The following RORA variants were observed in gnomAD, a reference collection of about 807,000 sequenced individuals.
RORA encodes the protein nuclear receptor ROR-alpha.
In RORA, 7 loss-of-function variants were observed where a neutral mutation model predicts 69.5. That is an observed-to-expected ratio of 0.10 (90% CI 0.06 to 0.19). The LOEUF is 0.19. Among genes scored for constraint, RORA ranks in the 10% least tolerant of loss-of-function variants. The pLI is 1.00. For missense variants in RORA, 457 were observed against 663.0 expected (o/e 0.69, Z 3.41); for synonymous variants, 261 against 240.8 (o/e 1.08, Z -0.78).
At chr15:60,662,669 G>A (rs1396899418) in intron 2 of RORA, among the ~76,000 whole-genome samples, 1 of 151,474 alleles carries the variant, frequency 6.6e-6, no homozygotes, top group Non-Finnish European at 1.5e-5. Context: ...TCTTCAGTAT[G>A]TGCAATTCTG....
chr15:61,161,391 G>C (rs1354888509), intron 1 of RORA, among the ~76,000 whole-genome samples: 1 of 152,188 alleles, frequency 6.6e-6, no homozygotes, highest in African/African-American at 2.4e-5. Context: ...GGGTTCAAAT[G>C]CTGGCTCTGC....
intron 1 of RORA, among the ~76,000 whole-genome samples, chr15:60,937,094 G>A (rs561688055): frequency 1.5e-4 from 23 of 152,254 alleles, no homozygotes; most frequent in Admixed American, 5.9e-4. Context: ...ATTTTATGAG[G>A]AATATATCAT....
intron 1 of RORA, among the ~76,000 whole-genome samples, chr15:61,221,966 A>G (rs948907942): frequency 7.4e-4 from 113 of 152,152 alleles, no homozygotes; most frequent in Non-Finnish European, 1.0e-3. Flanking sequence ...AGAAAAAAAA[A>G]AAAAAACTAA....
intron 1 of RORA, among the ~76,000 whole-genome samples, chr15:60,938,014 GACTC>G (rs1892577569): frequency 6.6e-6 from 1 of 152,092 alleles, no homozygotes; most frequent in African/African-American, 2.4e-5. Flanking sequence ...AGGAAGGAGA[GACTC>G]AGAGAACGAA....
At chr15:60,632,638 C>A (rs1302969403) in intron 2 of RORA, among the ~76,000 whole-genome samples, 1 of 152,052 alleles carries the variant, frequency 6.6e-6, no homozygotes, top group African/African-American at 2.4e-5. Context: ...TCTTTTCTGA[C>A]CTTCTGTGGC....
intron 1 of RORA, among the ~76,000 whole-genome samples, chr15:61,053,705 C>T (rs569006876): frequency 1.6e-4 from 24 of 151,518 alleles, no homozygotes; most frequent in African/African-American, 5.3e-4. Flanking sequence ...CTTGCTTCTC[C>T]CTTTTCAAGG....
chr15:60,547,536 G>A (rs924789036), intron 2 of RORA, among the ~76,000 whole-genome samples: 2 of 151,740 alleles, frequency 1.3e-5, no homozygotes, highest in Non-Finnish European at 2.9e-5. Context: ...ATGTTGGCCA[G>A]GCTGGTCTTG....
intron 1 of RORA, among the ~76,000 whole-genome samples, chr15:60,747,873 T>C (rs1466397059): frequency 6.6e-6 from 1 of 152,136 alleles, no homozygotes; most frequent in Admixed American, 6.5e-5. Context: ...AGAAAAAAAA[T>C]AATAATGCTT....
intron 1 of RORA, among the ~76,000 whole-genome samples, chr15:60,906,162 T>G (rs953395176): frequency 2.6e-5 from 4 of 152,238 alleles, no homozygotes; most frequent in Admixed American, 2.6e-4. Context: ...CCTCTTCTTC[T>G]GACAGATTAG....
At chr15:61,221,308 T>C (rs914151178) in intron 1 of RORA, among the ~76,000 whole-genome samples, 2 of 152,234 alleles carry the variant, frequency 1.3e-5, no homozygotes, top group Admixed American at 6.5e-5. Flanking sequence ...CAGTAGTTAA[T>C]AGTCTGGAAT....
At chr15:60,592,227 G>C (rs1208276264) in intron 2 of RORA, among the ~76,000 whole-genome samples, 1 of 151,828 alleles carries the variant, frequency 6.6e-6, no homozygotes, top group South Asian at 2.1e-4. Context: ...CTCAGGTGGC[G>C]CCGCGGCGGT....
At chr15:60,837,012 T>C (rs1037371102) in intron 1 of RORA, among the ~76,000 whole-genome samples, 3 of 150,470 alleles carry the variant, frequency 2.0e-5, no homozygotes, top group African/African-American at 2.4e-5. Flanking sequence ...CATGCTCACA[T>C]ACAAAATTCA....
At chr15:61,045,861 T>C (rs939471186) in intron 1 of RORA, among the ~76,000 whole-genome samples, 3 of 152,142 alleles carry the variant, frequency 2.0e-5, no homozygotes, top group Non-Finnish European at 2.9e-5. Context: ...GCCATATTTT[T>C]CCCCCTTAAA....
intron 1 of RORA, among the ~76,000 whole-genome samples, chr15:60,975,628 G>T (rs948901458): frequency 6.6e-6 from 1 of 152,212 alleles, no homozygotes; most frequent in Non-Finnish European, 1.5e-5. Context: ...CTCCCTCGGA[G>T]GCTAAGCTGG....
chr15:60,589,825 G>A (rs114882940), intron 2 of RORA, among the ~76,000 whole-genome samples: 1 of 152,136 alleles, frequency 6.6e-6, no homozygotes, highest in African/African-American at 2.4e-5. Context: ...ATGGTGGCTT[G>A]TTCTCTCCTC....
At chr15:60,769,378 T>C (rs2072039062) in intron 1 of RORA, among the ~76,000 whole-genome samples, 1 of 152,168 alleles carries the variant, frequency 6.6e-6, no homozygotes, top group Admixed American at 6.5e-5. Flanking sequence ...AGGGGGAATC[T>C]GGACTAGTAA....
Position 61,211,210 on chromosome 15 carries a change from G to A in RORA, c.166+17843C>T, listed in dbSNP as rs969173912. 7.3e-5 allele frequency among the ~76,000 whole-genome samples: 11 copies of A among 151,652 alleles called. No individual in the cohort carries two copies. The East Asian group carries it at 7.7e-4, about 11-fold the overall frequency. The stretch of plus-strand genomic sequence containing the variant: ...AAAAGGGGACTGTTTGGCCACCAAC[G>A]TCCTGAACAGGGTCTGAGTGTATAA... On this transcript the variant is annotated intron_variant, in intron 1 of 10. Transcript: ENST00000335670.
rs1009972914 is a variant in RORA, at chr15:60,906,836, T to C, written c.167-228150A>G. 7.2e-5 allele frequency among the ~76,000 whole-genome samples: 11 copies of C among 152,322 alleles called. 1 individual carries two copies. The highest frequency in any genetic ancestry group is 6.5e-4 in the Admixed American group (10 of 15,306). On this transcript the variant is annotated intron_variant, in intron 1 of 10. Coordinates refer to ENST00000335670, the MANE Select transcript of RORA (RefSeq NM_134261.3). ...GCATTTTTCAAACTCATTATTATTA[T>C]TGGCAATTGTAGTAATACCAGGGGC...
chr15:60,870,772 A>G (rs1026652034), intron 1 of RORA, among the ~76,000 whole-genome samples: 5 of 152,112 alleles, frequency 3.3e-5, no homozygotes, highest in African/African-American at 1.2e-4. Flanking sequence ...CAATCCTTAC[A>G]CTCACTAGTC....
Sources: allele counts gnomAD v4.1 joint callset (sites outside exome capture counted in the v4.1 genomes callset), GRCh38; gene constraint gnomAD v4.1.1; transcripts MANE v1.5; gene names NCBI Gene and HGNC (gene_info 2026-07-23, HGNC 2026-07-21).